The following ASIC5 variants were observed in gnomAD, a reference collection of about 807,000 sequenced individuals.
ASIC5 encodes acid sensing ion channel subunit family member 5.
In ASIC5, 52 loss-of-function variants were observed where a neutral mutation model predicts 51.2. The observed-to-expected ratio is 1.02, with a 90% CI of 0.81 to 1.28. The LOEUF (loss-of-function observed/expected upper bound fraction) is 1.28. Among genes scored for constraint, ASIC5 ranks in the 50% most tolerant of loss-of-function variants. The pLI is 0.00. For synonymous variants in ASIC5, 231 were observed against 200.7 expected (o/e 1.15, Z -1.28); for missense variants, 635 against 595.0 (o/e 1.07, Z -0.70).
chr4:155,841,721 T>C (rs1741124867), intron 6 of ASIC5, among the ~76,000 whole-genome samples: 1 of 152,164 alleles, frequency 6.6e-6, no homozygotes, highest in Non-Finnish European at 1.5e-5. Context: ...TGTGCTGTTT[T>C]AGATATTTGA....
intron 8 of ASIC5, among the ~76,000 whole-genome samples, chr4:155,832,315 T>C (rs755773112): frequency 2.6e-5 from 4 of 152,234 alleles, no homozygotes; most frequent in Non-Finnish European, 5.9e-5. Context: ...AGTCAGGATT[T>C]TAGAGCTGAG....
chr4:155,849,194 TAC>T (rs1339481403), intron 4 of ASIC5, among the ~76,000 whole-genome samples: 4 of 152,026 alleles, frequency 2.6e-5, no homozygotes, highest in Non-Finnish European at 5.9e-5. Flanking sequence ...ATATTTTGTG[TAC>T]AGAGTCCCTG....
chr4:155,840,933 A>AC (rs1346244726), intron 6 of ASIC5, among the ~76,000 whole-genome samples: 2 of 151,712 alleles, frequency 1.3e-5, no homozygotes, highest in African/African-American at 4.8e-5. Context: ...TGTGACCCCT[A>AC]CCCAGGAATT....
At chr4:155,830,638 C>A (rs1740852673) in intron 9 of ASIC5, among the ~76,000 whole-genome samples, 1 of 152,082 alleles carries the variant, frequency 6.6e-6, no homozygotes, top group Admixed American at 6.6e-5. Flanking sequence ...GTATACAGTA[C>A]TGTGGCATTA....
chr4:155,863,591 C>G lies in ASIC5; in HGVS notation c.204G>C (p.Val68=). 3 of 1,613,738 alleles carry G rather than the reference C, an allele frequency of 1.9e-6. No individual in the cohort carries two copies. Among genetic ancestry groups the G allele is most frequent in the Non-Finnish European group, 2.5e-6 (3 of 1,179,890 alleles). ...TCACAAGTGAGACTGAGCCCAGAAC[C>G]ACCACCAACCAGAGCACCCTGCGAA... The part of the protein sequence containing the change: ...SKIRRVLWLV[V]VLGSVSLVTW... Residue 68 remains valine, a synonymous_variant, in exon 2 of 10, where the codon GTG becomes GTC. Coordinates refer to ENST00000537611, the MANE Select transcript of ASIC5 (RefSeq NM_017419.3).
rs539230391 is a variant in ASIC5 at position 155,835,861 on chromosome 4, C to T, written c.1235+828G>A. 3.3e-5 allele frequency among the ~76,000 whole-genome samples: 5 copies of T among 152,192 alleles called. No individual in the cohort carries two copies. The South Asian group carries it at 8.3e-4, about 25-fold the overall frequency. On this transcript the variant is annotated intron_variant, in intron 8 of 9. Transcript: ENST00000537611. Reference sequence around the variant, plus strand: ...TTATTTTATTAAAGTAAGCACAAGGCTAACATTGGAATCTAAGCATGCTTT... The same window carrying T: ...TTATTTTATTAAAGTAAGCACAAGGTTAACATTGGAATCTAAGCATGCTTT...
At chr4:155,859,948 A>G (rs1393218771) in intron 2 of ASIC5, among the ~76,000 whole-genome samples, 1 of 152,054 alleles carries the variant, frequency 6.6e-6, no homozygotes, top group Non-Finnish European at 1.5e-5. Flanking sequence ...TTGGCTTGTC[A>G]TACACATATT....
chr4:155,854,999 T>C (rs1430990197), intron 2 of ASIC5: 1 of 152,174 alleles, frequency 6.6e-6, no homozygotes, highest in African/African-American at 2.4e-5. Flanking sequence ...TTTCCCTTCC[T>C]GCTGGCCCTG....
chr4:155,848,606 C>T (rs982863931), intron 4 of ASIC5, among the ~76,000 whole-genome samples: 18 of 151,904 alleles, frequency 1.2e-4, no homozygotes, highest in Non-Finnish European at 1.6e-4. Context: ...CTATGTCTGC[C>T]CTAAAACCTT....
Position 155,863,448 on chromosome 4 carries a change from C to G in ASIC5, c.347G>C (p.Arg116Thr). Residue 116 changes from arginine (R) to threonine (T), a missense_variant and splice_region_variant, in exon 2 of 10, where the codon AGG becomes ACG. Transcript: ENST00000537611. ...FPAVTFCNLN[R>T]FQTDAVAKFG... is the part of the protein sequence containing the mutation. ...TTATTTTTAAAAAAGTAATTTTTAC[C>G]TGTTCAAATTACAAAATGTCACAGC... The G allele has an allele frequency of 5.6e-6, 9 of 1,604,450 alleles. No individual in the cohort carries two copies. The highest frequency in any genetic ancestry group is 7.7e-6 in the Non-Finnish European group (9 of 1,173,676).
At chr4:155,838,679 C>A (rs146154001) in intron 7 of ASIC5, 134 bp downstream of exon 7, 1 of 510,614 alleles carries the variant, frequency 2.0e-6, no homozygotes, top group South Asian at 4.2e-5. Flanking sequence ...TTTAAGAACA[C>A]TTACAAAAAG....
At position 155,829,811 on chromosome 4, in the gene ASIC5, T is replaced by C. The variant is rs778259228; in HGVS notation, c.*45A>G. The C allele has an allele frequency of 1.6e-6, 2 of 1,256,194 alleles. No individual in the cohort carries two copies. The highest frequency in any genetic ancestry group is 5.2e-5 in the East Asian group (2 of 38,694). 77.8% of individuals were successfully genotyped at this position (1,256,194 alleles called of 1,614,324 possible). On this transcript the variant is annotated 3_prime_UTR_variant, in exon 10 of 10. Transcript: ENST00000537611. ...GTAACAATGAATTAGTCAAGATAAA[T>C]CTGAAGGTATCATGAAAAGGAAACT...
intron 7 of ASIC5, among the ~76,000 whole-genome samples, chr4:155,837,845 C>T (rs1213693357): frequency 1.3e-5 from 2 of 152,006 alleles, no homozygotes; most frequent in African/African-American, 4.8e-5. Flanking sequence ...CTCTCTCACA[C>T]ACACAAACAC....
intron 7 of ASIC5, among the ~76,000 whole-genome samples, chr4:155,837,427 C>T (rs937767280): frequency 6.6e-6 from 1 of 152,126 alleles, no homozygotes; most frequent in Non-Finnish European, 1.5e-5. Context: ...ACCAGGCTGT[C>T]CATGCAAATG....
Position 155,863,599 on chromosome 4 carries a change from A to G in ASIC5, c.196T>C (p.Leu66=), listed in dbSNP as rs1045453152. ...GAGACTGAGCCCAGAACCACCACCA[A>G]CCAGAGCACCCTGCGAATTTTGCTC... ...NRSKIRRVLW[L]VVVLGSVSLV... Residue 66 remains leucine, a synonymous_variant, in exon 2 of 10, where the codon TTG becomes CTG. Transcript: ENST00000537611. 5 of 1,613,764 alleles carry G rather than the reference A, an allele frequency of 3.1e-6. No individual in the cohort carries two copies. Among genetic ancestry groups the G allele is most frequent in the South Asian group, 2.2e-5 (2 of 91,072 alleles).
chr4:155,857,325 T>C lies in ASIC5; in HGVS notation c.348-3011A>G, dbSNP rs150200916. ...TTTTTGTAGAGACAGAGTTTTACCA[T>C]GTTGCCTGGCCTGGTCTCAAACTCC... On this transcript the variant is annotated intron_variant, in intron 2 of 9. Coordinates refer to ENST00000537611, the MANE Select transcript of ASIC5 (RefSeq NM_017419.3). Among the ~76,000 whole-genome samples the C allele has an allele frequency of 3.0e-3, 463 of 152,146 alleles. 3 individuals carry two copies. The highest frequency in any genetic ancestry group is 9.9e-3 in the African/African-American group (413 of 41,558).
intron 2 of ASIC5, among the ~76,000 whole-genome samples, chr4:155,857,228 A>G (rs891454467): frequency 1.3e-5 from 2 of 151,944 alleles, no homozygotes; most frequent in Admixed American, 6.6e-5. Flanking sequence ...GGCTCAAGCA[A>G]TCCTCCCACT....
intron 2 of ASIC5, among the ~76,000 whole-genome samples, chr4:155,856,901 G>C (rs1299521053): frequency 6.6e-6 from 1 of 151,828 alleles, no homozygotes; most frequent in Non-Finnish European, 1.5e-5. Context: ...ATACATATGG[G>C]AGCAATGAAT....
chr4:155,844,081 G>C (rs1741182585), intron 4 of ASIC5, among the ~76,000 whole-genome samples: 1 of 151,966 alleles, frequency 6.6e-6, no homozygotes. Flanking sequence ...AATAATTGAG[G>C]CTTGTCTCAT....
Sources: gnomAD v4.1 joint callset for allele counts (sites outside exome capture counted in the v4.1 genomes callset) on GRCh38, gnomAD v4.1.1 for gene constraint, MANE v1.5 for transcripts, NCBI Gene and HGNC (gene_info 2026-07-23, HGNC 2026-07-21) for gene names.